VIL1: variants seen among roughly 807,000 people sequenced by gnomAD.
VIL1 encodes villin-1.
In VIL1, 86 loss-of-function variants were observed where a neutral mutation model predicts 104.0. That is an observed-to-expected ratio of 0.83 (90% CI 0.69 to 0.99). The LOEUF (loss-of-function observed/expected upper bound fraction) is 0.99, where lower values mean the gene tolerates loss of function less well. VIL1 is among the 50% of genes least tolerant of loss of function. VIL1 has a pLI of 0.00. For synonymous variants in VIL1, 394 were observed against 412.6 expected (o/e 0.95, Z 0.55); for missense variants, 944 against 1,054.1 (o/e 0.90, Z 1.45).
chr2:218,435,533 G>A lies in VIL1; in HGVS notation c.1826+99G>A, dbSNP rs1406864086. Reference sequence around the variant, plus strand: ...GAGCCTACAGCAGGCATGGACTGAGGACTCTGTGTGTCAGGCACTGTGCCA... The same window carrying A: ...GAGCCTACAGCAGGCATGGACTGAGAACTCTGTGTGTCAGGCACTGTGCCA... On this transcript the variant is annotated intron_variant, in intron 15 of 19. Transcript: ENST00000248444. 3 of 1,465,026 alleles carry A rather than the reference G, an allele frequency of 2.0e-6. No homozygotes were observed. In the African/African-American group the frequency reaches 4.2e-5, roughly 21 times the overall value. 90.8% of individuals were successfully genotyped at this position (1,465,026 alleles called of 1,614,324 possible).
At chr2:218,423,133 T>C (rs1238777012) in intron 1 of VIL1, among the ~76,000 whole-genome samples, 1 of 152,102 alleles carries the variant, frequency 6.6e-6, no homozygotes, top group African/African-American at 2.4e-5. Flanking sequence ...CAGTGGCTCA[T>C]GCCTGTAATC....
chr2:218,435,801 T>G (rs937333180), intron 15 of VIL1, among the ~76,000 whole-genome samples: 1 of 152,190 alleles, frequency 6.6e-6, no homozygotes. Flanking sequence ...CCTGGGATGC[T>G]GAGGAGCCCC....
rs879647488 is a variant in VIL1 at position 218,446,421 on chromosome 2, G to A, written c.2371-2802G>A. On this transcript the variant is annotated intron_variant, in intron 19 of 19. Transcript: ENST00000248444. ...GCTAATTTTTTGTATTTTTAGTAGAGATGGGGTTTCACCATGTTGGCCAGG... is the reference window on the plus strand; with the variant it reads ...GCTAATTTTTTGTATTTTTAGTAGAAATGGGGTTTCACCATGTTGGCCAGG... Among the ~76,000 whole-genome samples, 11 of 152,162 alleles carry A rather than the reference G, an allele frequency of 7.2e-5. 1 individual carries two copies. The highest frequency in any genetic ancestry group is 1.2e-4 in the Non-Finnish European group (8 of 68,032).
At chr2:218,441,729 T>C (rs753163697) in intron 19 of VIL1, among the ~76,000 whole-genome samples, 3 of 152,174 alleles carry the variant, frequency 2.0e-5, no homozygotes, top group Non-Finnish European at 4.4e-5. Context: ...GGCTCATGCC[T>C]GTAATCCCAG....
At chr2:218,435,246 G>T in intron 14 of VIL1, 43 bp from the exon 15 acceptor site, 1 of 1,599,524 alleles carries the variant, frequency 6.3e-7, no homozygotes. Flanking sequence ...GAGGGTGGAG[G>T]TAGGGGTGGC....
chr2:218,435,544 T>G (rs1689174637), intron 15 of VIL1, 110 bp downstream of exon 15: 1 of 1,416,496 alleles, frequency 7.1e-7, no homozygotes, highest in African/African-American at 1.4e-5. Flanking sequence ...ACTCTGTGTG[T>G]CAGGCACTGT....
At chr2:218,436,398 G>C in intron 15 of VIL1, 84 bp from the exon 16 acceptor site, 1 of 1,529,506 alleles carries the variant, frequency 6.5e-7, no homozygotes, top group Non-Finnish European at 8.8e-7. Flanking sequence ...CTATGCCAGA[G>C]TCCCTTCCTC....
At chr2:218,443,202 CT>C (rs5838696) in intron 19 of VIL1, among the ~76,000 whole-genome samples, 22 of 141,840 alleles carry the variant, frequency 1.6e-4, no homozygotes, top group Admixed American at 1.4e-4. Flanking sequence ...GTATTTCTTT[CT>C]TTTTTTTTTT....
intron 9 of VIL1, 131 bp from the exon 10 acceptor site, chr2:218,430,594 G>A (rs985015793): frequency 2.4e-6 from 3 of 1,236,160 alleles, no homozygotes; most frequent in Non-Finnish European, 3.3e-6. Context: ...TTGGGATTGG[G>A]TTTGGGTTCA....
Position 218,427,967 on chromosome 2 carries a change from T to C in VIL1, c.350T>C (p.Ile117Thr). 1 of 1,613,852 alleles carries C rather than the reference T, an allele frequency of 6.2e-7. No homozygotes were observed. The highest frequency in any genetic ancestry group is 8.5e-7 in the Non-Finnish European group (1 of 1,179,942). Residue 117 changes from isoleucine to threonine, a missense_variant and splice_region_variant, in exon 5 of 20, where the codon ATC becomes ACC. Transcript: ENST00000248444. ...GGTCAGCTCACCTCTCTTCTCAGGA[T>C]CCGGAAAGGGGGCGTGGCTTCTGGC... Reference protein sequence around the residue: ...FRGYFKQGLVIRKGGVASGMK... With the variant: ...FRGYFKQGLVTRKGGVASGMK...
intron 10 of VIL1, 165 bp downstream of exon 10, chr2:218,431,043 T>G: frequency 2.1e-6 from 2 of 954,110 alleles, no homozygotes; most frequent in Non-Finnish European, 3.1e-6. Flanking sequence ...CAAACTCTAG[T>G]TGTCACAAAA....
intron 19 of VIL1, 90 bp downstream of exon 19, chr2:218,440,952 G>T (rs959729669): frequency 1.3e-5 from 19 of 1,509,732 alleles, no homozygotes; most frequent in Non-Finnish European, 1.7e-5. Flanking sequence ...GTGACTAGGT[G>T]CTGGGGATGA....
At chr2:218,423,559 C>A (rs1415086196) in intron 1 of VIL1, among the ~76,000 whole-genome samples, 1 of 152,144 alleles carries the variant, frequency 6.6e-6, no homozygotes, top group Admixed American at 6.5e-5. Flanking sequence ...CTCCCCCTCT[C>A]TTCCTTATTG....
chr2:218,426,006 T>A (rs1688975358), intron 4 of VIL1, among the ~76,000 whole-genome samples, 195 bp downstream of exon 4: 1 of 151,742 alleles, frequency 6.6e-6, no homozygotes. Flanking sequence ...CCCTCATGAG[T>A]TTTTGGTGAT....
In VIL1 at chr2:218,433,971, C is replaced by T. The variant is rs1574816372; in HGVS notation, c.1501-555C>T. The stretch of plus-strand genomic sequence containing the variant: ...CAGCACTTTGGGAGGCCAAGGCGGG[C>T]GGATCTCCTGAGGTTGGGAGTTCGA... On this transcript the variant is annotated intron_variant, in intron 13 of 19. Coordinates refer to ENST00000248444, the MANE Select transcript of VIL1 (RefSeq NM_007127.3). Among the ~76,000 whole-genome samples, 6 of 150,930 alleles carry T rather than the reference C, an allele frequency of 4.0e-5. No individual in the cohort carries two copies. In the South Asian group the frequency reaches 1.3e-3, roughly 32 times the overall value.
chr2:218,436,978 G>A, intron 16 of VIL1, 146 bp from the exon 17 acceptor site: 1 of 950,688 alleles, frequency 1.1e-6, no homozygotes, highest in Non-Finnish European at 1.6e-6. Context: ...CAAATTCAAG[G>A]CCAGATGATG....
chr2:218,442,491 T>C (rs948873313), intron 19 of VIL1, among the ~76,000 whole-genome samples: 2 of 152,170 alleles, frequency 1.3e-5, no homozygotes, highest in African/African-American at 4.8e-5. Context: ...TTTTAAATTT[T>C]AGATAAGATC....
chr2:218,430,886 C>T lies in VIL1; in HGVS notation c.1102+8C>T. ...ACACTGTGGGCTCCGTGGGTGAGGGCCAGGCGGGGGCAGTGAGGGAGCCAG... is the reference window on the plus strand; with the variant it reads ...ACACTGTGGGCTCCGTGGGTGAGGGTCAGGCGGGGGCAGTGAGGGAGCCAG... On this transcript the variant is annotated splice_region_variant and intron_variant, in intron 10 of 19. Transcript: ENST00000248444. 1 of 1,609,518 alleles carries T rather than the reference C, an allele frequency of 6.2e-7. No homozygotes were observed. Among genetic ancestry groups the T allele is most frequent in the Non-Finnish European group, 8.5e-7 (1 of 1,177,964 alleles).
At chr2:218,425,953 C>A in intron 4 of VIL1, 142 bp downstream of exon 4, 1 of 792,066 alleles carries the variant, frequency 1.3e-6, no homozygotes, top group South Asian at 2.7e-5. Flanking sequence ...TGACCTGGGG[C>A]GGGGAAGGGA....
Sources: allele counts gnomAD v4.1 joint callset (sites outside exome capture counted in the v4.1 genomes callset), GRCh38; gene constraint gnomAD v4.1.1; transcripts MANE v1.5; gene names NCBI Gene and HGNC (gene_info 2026-07-23, HGNC 2026-07-21).